The following NHSL1 variants were observed in gnomAD, a reference collection of about 807,000 sequenced individuals.
NHSL1 encodes the protein NHS-like protein 1.
Under a neutral mutation model 95.0 loss-of-function variants are expected in NHSL1, and 48 were observed. That is an observed-to-expected ratio of 0.51 (90% CI 0.40 to 0.64). The LOEUF (loss-of-function observed/expected upper bound fraction) is 0.64. Ranked by LOEUF, NHSL1 falls within the 30% of genes least tolerant of loss-of-function variation. The pLI is 0.00. For missense variants in NHSL1, 1,971 were observed against 2,077.7 expected, an observed-to-expected ratio of 0.95 and a Z score of 1.00; for synonymous variants, 783 against 833.9, an observed-to-expected ratio of 0.94 and a Z score of 1.05.
intron 1 of NHSL1, among the ~76,000 whole-genome samples, chr6:138,635,801 A>G (rs1315454391): frequency 3.3e-5 from 5 of 152,086 alleles, no homozygotes; most frequent in Admixed American, 2.6e-4. Context: ...TAAATAAAAT[A>G]CTAGCAAACT....
intron 1 of NHSL1, among the ~76,000 whole-genome samples, chr6:138,636,986 G>A (rs1253793533): frequency 6.6e-6 from 1 of 152,050 alleles, no homozygotes; most frequent in Non-Finnish European, 1.5e-5. Context: ...AAAACTAGAG[G>A]AAACGCATTT....
chr6:138,640,289 G>C (rs1784943553), intron 1 of NHSL1, among the ~76,000 whole-genome samples: 1 of 152,086 alleles, frequency 6.6e-6, no homozygotes, highest in East Asian at 1.9e-4. Flanking sequence ...CTGAGTTTTA[G>C]GCTAGGGCAA....
chr6:138,533,376 A>C (rs371537120), intron 1 of NHSL1, among the ~76,000 whole-genome samples: 3 of 152,254 alleles, frequency 2.0e-5, no homozygotes, highest in African/African-American at 7.2e-5. Flanking sequence ...CAGCCTGACC[A>C]ACATGGAGAA....
intron 1 of NHSL1, among the ~76,000 whole-genome samples, chr6:138,635,555 C>A (rs190371659): frequency 5.2e-4 from 79 of 152,126 alleles, no homozygotes; most frequent in African/African-American, 1.9e-3. Context: ...AACAAAAGCC[C>A]AAGACCCAAT....
intron 1 of NHSL1, among the ~76,000 whole-genome samples, chr6:138,684,456 G>A (rs1011406944): frequency 2.0e-5 from 3 of 152,062 alleles, no homozygotes; most frequent in Non-Finnish European, 4.4e-5. Context: ...GACCAGCCTG[G>A]CCAACATGGC....
intron 1 of NHSL1, among the ~76,000 whole-genome samples, chr6:138,616,008 A>C (rs1430177224): frequency 6.6e-6 from 1 of 152,254 alleles, no homozygotes; most frequent in African/African-American, 2.4e-5. Flanking sequence ...TGGGCAACAT[A>C]GCAAGGCCCC....
chr6:138,444,429 TTAAG>T (rs1156602666), intron 4 of NHSL1, among the ~76,000 whole-genome samples: 1 of 152,164 alleles, frequency 6.6e-6, no homozygotes, highest in Non-Finnish European at 1.5e-5. Context: ...TATGTACATA[TTAAG>T]TATTTTTTCC....
At chr6:138,559,835 C>T (rs1255558338) in intron 1 of NHSL1, among the ~76,000 whole-genome samples, 2 of 152,178 alleles carry the variant, frequency 1.3e-5, no homozygotes, top group Non-Finnish European at 1.5e-5. Flanking sequence ...TATGTAGACA[C>T]GCAGTAAAGG....
intron 1 of NHSL1, among the ~76,000 whole-genome samples, chr6:138,517,342 A>G (rs921577064): frequency 6.6e-5 from 10 of 152,322 alleles, no homozygotes; most frequent in Middle Eastern, 6.8e-3. Flanking sequence ...GTTTGCAGAA[A>G]CTGGATGGTC....
In NHSL1 at chr6:138,433,028, T is replaced by G. The variant is rs1203198140; in HGVS notation, c.1317A>C (p.Lys439Asn). The part of the protein sequence containing the change: ...TAQSAGQRES[K>N]SSGSSHARIK... ...TCCTTGCATGTGATGAGCCAGAACT[T>G]TTACTTTCCCGCTGTCCCGCACTCT... Residue 439 changes from lysine to asparagine, a missense_variant, in exon 6 of 8, where the codon AAA becomes AAC. By Grantham distance (94) the Lys-to-Asn change is moderately conservative. Coordinates refer to ENST00000343505, the MANE Select transcript of NHSL1 (RefSeq NM_001144060.2). 6.4e-7 allele frequency: 1 copy of G among 1,551,596 alleles called. No individual in the cohort carries two copies. The highest frequency in any genetic ancestry group is 1.4e-5 in the African/African-American group (1 of 73,138).
intron 5 of NHSL1, among the ~76,000 whole-genome samples, chr6:138,438,346 CTG>C (rs1210381880): frequency 1.3e-5 from 2 of 152,182 alleles, no homozygotes; most frequent in African/African-American, 2.4e-5. Context: ...TATTTTTACA[CTG>C]TACATTTTTT....
At chr6:138,641,262 T>G (rs906998174) in intron 1 of NHSL1, among the ~76,000 whole-genome samples, 11 of 152,164 alleles carry the variant, frequency 7.2e-5, no homozygotes, top group African/African-American at 2.7e-4. Context: ...TAATTTACAA[T>G]TTTATACACA....
At chr6:138,497,431 A>C (rs936681796) in intron 1 of NHSL1, among the ~76,000 whole-genome samples, 6 of 152,106 alleles carry the variant, frequency 3.9e-5, no homozygotes, top group African/African-American at 1.2e-4. Flanking sequence ...AGTCTTCCTG[A>C]CTCTGATCTA....
At chr6:138,450,651 A>G (rs925970198) in intron 3 of NHSL1, among the ~76,000 whole-genome samples, 2 of 152,374 alleles carry the variant, frequency 1.3e-5, no homozygotes, top group Admixed American at 1.3e-4. Context: ...AGATCACTCC[A>G]GCATGACAAC....
chr6:138,594,815 G>T (rs1251259284), intron 1 of NHSL1, among the ~76,000 whole-genome samples: 3 of 152,144 alleles, frequency 2.0e-5, no homozygotes, highest in Non-Finnish European at 4.4e-5. Context: ...TTCTTTTCTA[G>T]ATGATTTTCA....
At chr6:138,546,382 G>GGAGTTT (rs545390093), upstream of NHSL1, among the ~76,000 whole-genome samples, 26 of 125,244 alleles carry the variant, frequency 2.1e-4, no homozygotes, top group East Asian at 6.4e-3. Flanking sequence ...CTTGAGCCCA[G>GGAGTTT]GAGTTTGAGA....
At chr6:138,492,766 A>G (rs1302119951) in intron 2 of NHSL1, among the ~76,000 whole-genome samples, 2 of 152,368 alleles carry the variant, frequency 1.3e-5, no homozygotes, top group Non-Finnish European at 2.9e-5. Context: ...TACAATAAGC[A>G]TTTAATGGCG....
At chr6:138,425,385 C>T (rs928018130) in intron 7 of NHSL1, among the ~76,000 whole-genome samples, 1 of 152,208 alleles carries the variant, frequency 6.6e-6, no homozygotes, top group African/African-American at 2.4e-5. Flanking sequence ...GCGTGAGCCA[C>T]TGTGCCTGGC....
At chr6:138,475,791 CAAAACA>C (rs1562308949) in intron 2 of NHSL1, among the ~76,000 whole-genome samples, 1 of 151,568 alleles carries the variant, frequency 6.6e-6, no homozygotes, top group Non-Finnish European at 1.5e-5. Context: ...ACTAAAAATG[CAAAACA>C]AAAACAAAAA....
Sources: allele counts gnomAD v4.1 joint callset (sites outside exome capture counted in the v4.1 genomes callset), GRCh38; gene constraint gnomAD v4.1.1; transcripts MANE v1.5; gene names NCBI Gene and HGNC (gene_info 2026-07-23, HGNC 2026-07-21).